Variants in ADAMTS16 observed in about 807,000 individuals in gnomAD.
ADAMTS16 encodes ADAM metallopeptidase with thrombospondin type 1 motif 16.
A neutral mutation model predicts 145.8 loss-of-function variants in ADAMTS16; 94 were observed. That is an observed-to-expected ratio of 0.64 (90% CI 0.55 to 0.77). The LOEUF (loss-of-function observed/expected upper bound fraction) is 0.77, where lower values mean the gene tolerates loss of function less well. ADAMTS16 is among the 30% of genes least tolerant of loss of function. The pLI is 0.00. For missense variants in ADAMTS16, 1,585 were observed against 1,591.5 expected (o/e 1.00, Z 0.07); for synonymous variants, 659 against 604.3 (o/e 1.09, Z -1.33).
At chr5:5,262,927 C>T (rs1413201309) in intron 18 of ADAMTS16, 144 bp downstream of exon 18, 13 of 1,218,496 alleles carry the variant, frequency 1.1e-5, no homozygotes, top group Non-Finnish European at 1.5e-5. Context: ...ACAAGAGCTG[C>T]CTGGACAAGG....
intron 18 of ADAMTS16, among the ~76,000 whole-genome samples, chr5:5,274,042 G>C (rs752102812): frequency 6.6e-6 from 1 of 152,078 alleles, no homozygotes; most frequent in Non-Finnish European, 1.5e-5. Flanking sequence ...TATTTTTAAA[G>C]ACCTTTTTTT....
chr5:5,312,809 A>T (rs190122086), intron 21 of ADAMTS16, among the ~76,000 whole-genome samples: 1 of 152,154 alleles, frequency 6.6e-6, no homozygotes, highest in Non-Finnish European at 1.5e-5. Context: ...CAGGTAAAGC[A>T]GCAAGTGAGC....
At chr5:5,304,484 G>T (rs981809837) in intron 20 of ADAMTS16, among the ~76,000 whole-genome samples, 1 of 152,100 alleles carries the variant, frequency 6.6e-6, no homozygotes, top group African/African-American at 2.4e-5. Flanking sequence ...TCTGAACGGG[G>T]TATTGAGAGA....
chr5:5,217,567 G>T (rs1365613403), intron 10 of ADAMTS16, among the ~76,000 whole-genome samples: 3 of 152,140 alleles, frequency 2.0e-5, no homozygotes, highest in Admixed American at 6.5e-5. Context: ...CTGGTAGTGT[G>T]CCATTCACAA....
At position 5,316,787 on chromosome 5, in the gene ADAMTS16, T is replaced by G. The variant is rs77079067; in HGVS notation, c.3412-1347T>G. On this transcript the variant is annotated intron_variant, in intron 21 of 22. Transcript: ENST00000274181. ...TGGGTGATGGTGCCACTGTAAAGAT[T>G]GGCTTGTCAAGCTTCTCCCCGTCGG... 2.3e-3 allele frequency among the ~76,000 whole-genome samples: 351 copies of G among 152,302 alleles called. 6 individuals carry two copies. The East Asian group carries it at 0.054, about 23-fold the overall frequency.
intron 18 of ADAMTS16, among the ~76,000 whole-genome samples, chr5:5,264,038 C>T (rs73735774): frequency 0.053 from 8,000 of 152,214 alleles, 689 homozygotes; most frequent in African/African-American, 0.18. Context: ...AGGTCTCCTC[C>T]CCCAAGTCAG....
chr5:5,286,073 C>T (rs977751542), intron 18 of ADAMTS16, among the ~76,000 whole-genome samples: 28 of 152,162 alleles, frequency 1.8e-4, no homozygotes, highest in African/African-American at 3.4e-4. Context: ...TATGACCCTT[C>T]GGAATGAATC....
At chr5:5,186,471 A>T in intron 5 of ADAMTS16, among the ~76,000 whole-genome samples, 1 of 139,610 alleles carries the variant, frequency 7.2e-6, no homozygotes. Context: ...AGTAGGAAAA[A>T]TCATTTGACC....
chr5:5,289,772 T>A (rs78161499), intron 18 of ADAMTS16, among the ~76,000 whole-genome samples: 4,346 of 152,310 alleles, frequency 0.029, 79 homozygotes, highest in East Asian at 0.066. Context: ...TTCTCACTGA[T>A]GCAGCAGGGA....
Position 5,237,048 on chromosome 5 carries a change from G to A in ADAMTS16, c.2103G>A (p.Gly701=). The change falls in exon 14 of 23, where the codon GGG becomes GGA. Residue 701 remains glycine, a synonymous_variant. Coordinates refer to ENST00000274181, the MANE Select transcript of ADAMTS16 (RefSeq NM_139056.4). The part of the protein sequence containing the change: ...FFSLSNKVKD[G]TPCSEDSRNV... ...CTTTGTCAAATAAAGTCAAAGATGG[G>A]ACTCCATGCTCGGAGGATAGCCGTA... The A allele has an allele frequency of 6.2e-7, 1 of 1,614,126 alleles. No individual in the cohort carries two copies. The highest frequency in any genetic ancestry group is 1.1e-5 in the South Asian group (1 of 91,076).
chr5:5,318,377 C>T (rs545012838), intron 22 of ADAMTS16, 96 bp downstream of exon 22: 91 of 1,189,534 alleles, frequency 7.7e-5, no homozygotes, highest in Admixed American at 1.1e-4. Flanking sequence ...TAGGGTCTTG[C>T]GTCTGATCTA....
At chr5:5,195,415 A>T (rs1438760187) in intron 8 of ADAMTS16, among the ~76,000 whole-genome samples, 1 of 152,192 alleles carries the variant, frequency 6.6e-6, no homozygotes, top group African/African-American at 2.4e-5. Flanking sequence ...ATGTCATTTG[A>T]TGGGTAGGGC....
At chr5:5,198,409 T>C (rs1017649693) in intron 8 of ADAMTS16, among the ~76,000 whole-genome samples, 11 of 152,188 alleles carry the variant, frequency 7.2e-5, no homozygotes, top group African/African-American at 2.7e-4. Context: ...TCAAGAATTT[T>C]GCAGAAATTC....
chr5:5,237,503 G>T (rs569211984), intron 14 of ADAMTS16, among the ~76,000 whole-genome samples: 1 of 152,192 alleles, frequency 6.6e-6, no homozygotes, highest in Non-Finnish European at 1.5e-5. Flanking sequence ...GAAAGTGGGG[G>T]ACTGGGGGAT....
chr5:5,199,355 A>G (rs1735895728), intron 8 of ADAMTS16, among the ~76,000 whole-genome samples: 1 of 152,140 alleles, frequency 6.6e-6, no homozygotes, highest in Non-Finnish European at 1.5e-5. Context: ...CTTGAGATGT[A>G]CCTGTACTCT....
At chr5:5,257,420 C>T (rs1737824158) in intron 17 of ADAMTS16, among the ~76,000 whole-genome samples, 1 of 151,978 alleles carries the variant, frequency 6.6e-6, no homozygotes, top group African/African-American at 2.4e-5. Flanking sequence ...CAACAGATGA[C>T]ACACAAATGT....
At chr5:5,250,736 T>TGTGTGTGTGTGTGCGC (rs764397980) in intron 17 of ADAMTS16, among the ~76,000 whole-genome samples, 7 of 141,812 alleles carry the variant, frequency 4.9e-5, no homozygotes, top group Admixed American at 1.4e-4. Flanking sequence ...TGTGTGTGTG[T>TGTGTGTGTGTGTGCGC]GCGCGCACTC....
intron 2 of ADAMTS16, among the ~76,000 whole-genome samples, chr5:5,141,121 C>T (rs1193478424): frequency 6.6e-6 from 1 of 152,156 alleles, no homozygotes; most frequent in Non-Finnish European, 1.5e-5. Context: ...TTTCCGTCCC[C>T]TTCTACATCC....
chr5:5,268,988 A>G (rs1414210021), intron 18 of ADAMTS16, among the ~76,000 whole-genome samples: 1 of 152,122 alleles, frequency 6.6e-6, no homozygotes, highest in Non-Finnish European at 1.5e-5. Flanking sequence ...TTGTTAAGCC[A>G]TGCCTGCTGG....
Sources: gnomAD v4.1 joint callset for allele counts (sites outside exome capture counted in the v4.1 genomes callset) on GRCh38, gnomAD v4.1.1 for gene constraint, MANE v1.5 for transcripts, NCBI Gene and HGNC (gene_info 2026-07-23, HGNC 2026-07-21) for gene names.